The following EML4 variants were observed in gnomAD, a reference collection of about 807,000 sequenced individuals.
The protein encoded by EML4 is echinoderm microtubule-associated protein-like 4.
In EML4, 72 loss-of-function variants were observed where a neutral mutation model predicts 129.0. The ratio of observed to expected loss-of-function variants is 0.56; its 90% CI spans 0.46 to 0.68. The LOEUF is 0.68. Among genes scored for constraint, EML4 ranks in the 30% least tolerant of loss-of-function variants. The pLI is 0.00. For synonymous variants in EML4, 532 were observed against 405.0 expected, an observed-to-expected ratio of 1.31 and a Z score of -3.77; for missense variants, 1,363 against 1,190.6, an observed-to-expected ratio of 1.14 and a Z score of -2.13.
intron 2 of EML4, among the ~76,000 whole-genome samples, chr2:42,254,841 T>G (rs1366103118): frequency 1.3e-5 from 2 of 152,146 alleles, no homozygotes; most frequent in African/African-American, 2.4e-5. Flanking sequence ...TACACAAATG[T>G]TTATGGCAGC....
At chr2:42,192,227 T>C (rs571840157) in intron 1 of EML4, among the ~76,000 whole-genome samples, 1 of 149,908 alleles carries the variant, frequency 6.7e-6, no homozygotes, top group Non-Finnish European at 1.5e-5. Flanking sequence ...TTTTGTTGTT[T>C]TTTTGTTTTT....
chr2:42,320,328 T>TA (rs59575212), intron 19 of EML4, among the ~76,000 whole-genome samples: 21,173 of 144,990 alleles, frequency 0.15, 1,567 homozygotes, highest in African/African-American at 0.19. Flanking sequence ...GTCTGTATTT[T>TA]AAAAAAAAAA....
intron 10 of EML4, among the ~76,000 whole-genome samples, chr2:42,287,664 T>G (rs1251894638): frequency 6.6e-6 from 1 of 152,204 alleles, no homozygotes; most frequent in Non-Finnish European, 1.5e-5. Flanking sequence ...GAGAATGGTT[T>G]CAGAAAAACA....
intron 21 of EML4, 42 bp from the exon 22 acceptor site, chr2:42,328,844 C>G: frequency 6.5e-7 from 1 of 1,531,278 alleles, no homozygotes. Flanking sequence ...AGTTATATTT[C>G]TTCAGCTAAT....
At chr2:42,200,633 T>G (rs538846224) in intron 1 of EML4, among the ~76,000 whole-genome samples, 20 of 152,234 alleles carry the variant, frequency 1.3e-4, no homozygotes, top group Non-Finnish European at 2.4e-4. Flanking sequence ...TAATTCAGAC[T>G]TACAGACTTT....
chr2:42,273,563 G>T (rs1666490856), intron 6 of EML4, among the ~76,000 whole-genome samples: 1 of 152,030 alleles, frequency 6.6e-6, no homozygotes, highest in Admixed American at 6.5e-5. Flanking sequence ...CTCTTAAGAG[G>T]TTAGGTTCAT....
chr2:42,322,038 ATAGTTC>A (rs1669553574), intron 19 of EML4, among the ~76,000 whole-genome samples: 1 of 152,374 alleles, frequency 6.6e-6, no homozygotes, highest in Admixed American at 6.5e-5. Flanking sequence ...GATTAATAAA[ATAGTTC>A]TAGTTCATCT....
At chr2:42,304,145 A>G (rs1358313561) in intron 16 of EML4, among the ~76,000 whole-genome samples, 1 of 151,926 alleles carries the variant, frequency 6.6e-6, no homozygotes, top group Admixed American at 6.6e-5. Flanking sequence ...TTTTCTCTCT[A>G]CCCAACCCAG....
chr2:42,179,588 T>C (rs72796504), intron 1 of EML4, among the ~76,000 whole-genome samples: 23,009 of 152,090 alleles, frequency 0.15, 1,769 homozygotes, highest in African/African-American at 0.19. Context: ...GAAACAAAGG[T>C]AATACATATA....
intron 1 of EML4, among the ~76,000 whole-genome samples, chr2:42,242,968 G>T (rs942178321): frequency 1.4e-4 from 21 of 151,984 alleles, no homozygotes; most frequent in African/African-American, 5.1e-4. Flanking sequence ...TGTAGACATG[G>T]GTTCTCACTA....
At chr2:42,317,620 G>A (rs1669312849) in intron 19 of EML4, 96 bp downstream of exon 19, 8 of 765,596 alleles carry the variant, frequency 1.0e-5, no homozygotes, top group East Asian at 2.5e-5. Context: ...GTTTCCTGTC[G>A]TTAGCTGCTT....
intron 6 of EML4, among the ~76,000 whole-genome samples, chr2:42,275,131 A>G (rs1024570096): frequency 6.6e-6 from 1 of 152,206 alleles, no homozygotes; most frequent in African/African-American, 2.4e-5. Flanking sequence ...TTTCTAGTCA[A>G]ATTTTTAAAA....
intron 1 of EML4, among the ~76,000 whole-genome samples, chr2:42,240,748 A>AATG (rs1674973533): frequency 6.6e-6 from 1 of 152,238 alleles, no homozygotes; most frequent in South Asian, 2.1e-4. Flanking sequence ...CTGTATTGCC[A>AATG]TGCCATGCAT....
At chr2:42,316,148 T>C in intron 18 of EML4, 98 bp downstream of exon 18, 1 of 758,286 alleles carries the variant, frequency 1.3e-6, no homozygotes, top group African/African-American at 1.8e-5. Flanking sequence ...CTTTTTTCTC[T>C]CTTTAGAGTT....
intron 1 of EML4, among the ~76,000 whole-genome samples, chr2:42,241,996 T>G (rs1675070106): frequency 6.6e-6 from 1 of 152,178 alleles, no homozygotes; most frequent in African/African-American, 2.4e-5. Context: ...CTATCAGGGT[T>G]TGGTAGGAAT....
intron 17 of EML4, among the ~76,000 whole-genome samples, chr2:42,309,701 G>T (rs1040410240): frequency 1.3e-5 from 2 of 152,176 alleles, no homozygotes; most frequent in Non-Finnish European, 2.9e-5. Flanking sequence ...CCTCTTTAGA[G>T]AAATGTATGT....
intron 1 of EML4, among the ~76,000 whole-genome samples, chr2:42,238,065 T>C (rs901548827): frequency 1.3e-5 from 2 of 152,234 alleles, no homozygotes; most frequent in African/African-American, 4.8e-5. Context: ...CACAAAATTA[T>C]TTTTTAAATA....
At chr2:42,235,566 C>G (rs1204675413) in intron 1 of EML4, among the ~76,000 whole-genome samples, 1 of 152,168 alleles carries the variant, frequency 6.6e-6, no homozygotes, top group Non-Finnish European at 1.5e-5. Flanking sequence ...TAATCTTCTG[C>G]CATTACCATT....
At position 42,329,975 on chromosome 2, in the gene EML4, C is replaced by CACGAAGG; in HGVS notation, c.2714_2715insACGAAGG (p.Leu906ArgfsTer5). The CACGAAGG allele has an allele frequency of 6.2e-7, 1 of 1,613,902 alleles. No individual in the cohort carries two copies. On this transcript the variant is annotated frameshift_variant, in exon 23 of 23. Transcript: ENST00000318522. LOFTEE classifies it high-confidence loss of function. ...ACTCCCACACCGCCTCCTTCTCAGC[C>CACGAAGG]CTTAAATGAGACAGCTGAAGAGGAA...
Sources: allele counts gnomAD v4.1 joint callset (sites outside exome capture counted in the v4.1 genomes callset), GRCh38; gene constraint gnomAD v4.1.1; transcripts MANE v1.5; gene names NCBI Gene and HGNC (gene_info 2026-07-23, HGNC 2026-07-21).